Variants in KIAA1549 observed in about 807,000 individuals in gnomAD.
KIAA1549 encodes KIAA1549.
A neutral mutation model predicts 156.4 loss-of-function variants in KIAA1549; 70 were observed. The observed-to-expected ratio is 0.45, with a 90% CI of 0.37 to 0.55. The LOEUF (loss-of-function observed/expected upper bound fraction) is 0.55. KIAA1549 is among the 20% of genes least tolerant of loss of function. The pLI is 0.00. For synonymous variants in KIAA1549, 1,103 were observed against 1,066.4 expected, an observed-to-expected ratio of 1.03 and a Z score of -0.67; for missense variants, 2,428 against 2,540.9, an observed-to-expected ratio of 0.96 and a Z score of 0.96.
intron 3 of KIAA1549, 27 bp downstream of exon 3, chr7:138,912,345 T>C (rs1481047620): frequency 6.3e-7 from 1 of 1,583,390 alleles, no homozygotes; most frequent in Non-Finnish European, 8.7e-7. Flanking sequence ...TCACCAGACA[T>C]CACACTCCTG....
chr7:138,943,082 G>A (rs923721772), intron 1 of KIAA1549, among the ~76,000 whole-genome samples: 36 of 152,314 alleles, frequency 2.4e-4, no homozygotes, highest in Admixed American at 1.2e-3. Context: ...GCCCTCCACC[G>A]CGAGGAAGCT....
intron 8 of KIAA1549, 21 bp from the exon 9 acceptor site, chr7:138,899,153 T>C (rs762117470): frequency 1.2e-6 from 2 of 1,609,952 alleles, no homozygotes; most frequent in Admixed American, 1.7e-5. Flanking sequence ...GCAGAAACCA[T>C]TCACATTGCA....
chr7:138,887,361 G>A (rs959253600), intron 10 of KIAA1549, among the ~76,000 whole-genome samples: 6 of 151,986 alleles, frequency 3.9e-5, no homozygotes, highest in East Asian at 1.9e-4. Context: ...AATAAAATGC[G>A]TTTATTTTCT....
intron 14 of KIAA1549, among the ~76,000 whole-genome samples, chr7:138,868,668 C>T (rs1422862257): frequency 2.6e-5 from 4 of 152,132 alleles, no homozygotes; most frequent in African/African-American, 7.2e-5. Context: ...CTCCTGACCT[C>T]GTGATCCGCC....
chr7:138,910,200 T>C (rs1270787961), intron 4 of KIAA1549, among the ~76,000 whole-genome samples: 2 of 152,020 alleles, frequency 1.3e-5, no homozygotes, highest in Non-Finnish European at 2.9e-5. Context: ...CTACGTACTT[T>C]TGTACATGCT....
chr7:138,841,658 T>A (rs1809921869), intron 18 of KIAA1549, among the ~76,000 whole-genome samples: 1 of 152,196 alleles, frequency 6.6e-6, no homozygotes, highest in African/African-American at 2.4e-5. Flanking sequence ...AGCGTCCATA[T>A]CTAAAGGAGG....
rs2130478228 is a variant in KIAA1549 at position 138,917,358 on chromosome 7, C to T, written c.2268G>A (p.Glu756=). Reference sequence around the variant, plus strand: ...CGGATTCATGGGAAATGAGTGAAGACTCAAGATAGGAGGTAGTTTCAATGA... The same window carrying T: ...CGGATTCATGGGAAATGAGTGAAGATTCAAGATAGGAGGTAGTTTCAATGA... The part of the protein sequence containing the change: ...SAFIETTSYL[E]SSLISHESAV... Residue 756 remains glutamate, a synonymous_variant, in exon 2 of 20, where the codon GAG becomes GAA. Coordinates refer to ENST00000422774, the MANE Select transcript of KIAA1549 (RefSeq NM_001164665.2). 1 of 1,613,962 alleles carries T rather than the reference C, an allele frequency of 6.2e-7. No individual in the cohort carries two copies. Among genetic ancestry groups the T allele is most frequent in the East Asian group, 2.2e-5 (1 of 44,878 alleles).
At chr7:138,935,576 A>T (rs1461704931) in intron 1 of KIAA1549, among the ~76,000 whole-genome samples, 1 of 152,188 alleles carries the variant, frequency 6.6e-6, no homozygotes, top group Non-Finnish European at 1.5e-5. Flanking sequence ...CTTCCAGATA[A>T]TCTTCTGTCT....
At chr7:138,904,775 T>C (rs1002615199) in intron 7 of KIAA1549, among the ~76,000 whole-genome samples, 1 of 152,116 alleles carries the variant, frequency 6.6e-6, no homozygotes, top group African/African-American at 2.4e-5. Context: ...AGATTGTCAG[T>C]TCCTGTTAGA....
chr7:138,851,235 G>A (rs1810223111), intron 17 of KIAA1549, among the ~76,000 whole-genome samples: 1 of 152,056 alleles, frequency 6.6e-6, no homozygotes, highest in Admixed American at 6.6e-5. Context: ...TGCATGTCCT[G>A]TAAATTCTAA....
At chr7:138,939,322 T>C (rs980133677) in intron 1 of KIAA1549, among the ~76,000 whole-genome samples, 11 of 152,234 alleles carry the variant, frequency 7.2e-5, no homozygotes, top group African/African-American at 2.4e-4. Flanking sequence ...AACAGTACAG[T>C]TGCTTTTTTC....
At chr7:138,883,345 C>T (rs540283158) in intron 10 of KIAA1549, among the ~76,000 whole-genome samples, 2 of 143,080 alleles carry the variant, frequency 1.4e-5, no homozygotes, top group Non-Finnish European at 3.0e-5. Context: ...GACAGTCTGG[C>T]TCCATCACCC....
intron 8 of KIAA1549, 73 bp from the exon 9 acceptor site, chr7:138,899,205 C>A (rs1811774562): frequency 7.3e-7 from 1 of 1,368,928 alleles, no homozygotes. Context: ...GTTGCTGAAT[C>A]CTGGCTGTGT....
rs1294851524 is a variant in KIAA1549 at position 138,919,029 on chromosome 7, G to A, written c.597C>T (p.Pro199=). ...CTTCTTCATCTTGTAAAGAAACCAT[G>A]GGTAATGATGGAGTGAGCATAGGTT... ...ALEPMLTPSL[P]MVSLQDEEVT... The change falls in exon 2 of 20, where the codon CCC becomes CCT. Residue 199 remains proline (P), a synonymous_variant. Transcript: ENST00000422774. 6.2e-7 allele frequency: 1 copy of A among 1,614,016 alleles called. No homozygotes were observed. The highest frequency in any genetic ancestry group is 2.2e-5 in the East Asian group (1 of 44,878).
chr7:138,978,704 A>T (rs1171480184), intron 1 of KIAA1549, among the ~76,000 whole-genome samples: 1 of 152,208 alleles, frequency 6.6e-6, no homozygotes, highest in Non-Finnish European at 1.5e-5. Context: ...AACAGGTCTA[A>T]GCCATGCCAT....
intron 1 of KIAA1549, among the ~76,000 whole-genome samples, chr7:138,931,777 G>GTC (rs1812881130): frequency 2.7e-5 from 4 of 145,806 alleles, no homozygotes; most frequent in Non-Finnish European, 6.0e-5. Flanking sequence ...AAAAAAAGAA[G>GTC]GTCTTGATTT....
At chr7:138,841,330 G>A (rs1487941950) in intron 18 of KIAA1549, among the ~76,000 whole-genome samples, 3 of 152,108 alleles carry the variant, frequency 2.0e-5, no homozygotes, top group Non-Finnish European at 2.9e-5. Context: ...TATTGTGTCT[G>A]TAATGTAGCC....
chr7:138,849,155 T>G (rs1810165502), intron 17 of KIAA1549, among the ~76,000 whole-genome samples: 1 of 152,222 alleles, frequency 6.6e-6, no homozygotes, highest in South Asian at 2.1e-4. Context: ...TGATCAAGCT[T>G]GTGCGAGTCT....
chr7:138,917,303 C>G lies in KIAA1549; in HGVS notation c.2323G>C (p.Glu775Gln). 1 of 1,613,814 alleles carries G rather than the reference C, an allele frequency of 6.2e-7. No individual in the cohort carries two copies. The highest frequency in any genetic ancestry group is 8.5e-7 in the Non-Finnish European group (1 of 1,179,812). Residue 775 changes from glutamate (E) to glutamine (Q), a missense_variant, in exon 2 of 20, where the codon GAG (glutamate) becomes CAG (glutamine). Around this residue, in one of 5 missense-constraint regions of KIAA1549, gnomAD observed 762 missense variants for 901.6 expected, o/e 0.85. Transcript: ENST00000422774. ...CCGGCAGTCAAAATGTCAAAAGACT[C>G]AGAGCCGGGGGGCACCAGTGCAGTG... ...AVTALVPPGS[E>Q]SFDILTAGIQ...
Sources: gnomAD v4.1 joint callset for allele counts (sites outside exome capture counted in the v4.1 genomes callset) on GRCh38, gnomAD v4.1.1 for gene constraint, gnomAD v4.1.1 regional missense constraint, MANE v1.5 for transcripts, NCBI Gene and HGNC (gene_info 2026-07-23, HGNC 2026-07-21) for gene names.